Variants in CHM observed in about 807,000 individuals in gnomAD.
CHM encodes rab proteins geranylgeranyltransferase component A 1.
CHM carries 10 observed loss-of-function variants against 49.0 expected under a neutral mutation model. That is an observed-to-expected ratio of 0.20 (90% confidence interval 0.13 to 0.35). CHM has a LOEUF of 0.35. Among genes scored for constraint, CHM ranks in the 10% least tolerant of loss-of-function variants. The pLI is 1.00. For missense variants in CHM, 455 were observed against 478.4 expected, an observed-to-expected ratio of 0.95 and a Z score of 0.46; for synonymous variants, 184 against 167.5, an observed-to-expected ratio of 1.10 and a Z score of -0.76.
intron 1 of CHM, among the ~76,000 whole-genome samples, chrX:86,046,600 T>A (rs925353465): frequency 2.7e-5 from 3 of 111,030 alleles, no homozygotes; most frequent in Non-Finnish European, 5.7e-5. Flanking sequence ...CTACAAACAG[T>A]AAAAAACCCC....
At chrX:85,872,375 T>C (rs1054462916) in intron 14 of CHM, among the ~76,000 whole-genome samples, 1 of 112,017 alleles carries the variant, frequency 8.9e-6, no homozygotes, top group Admixed American at 9.5e-5. Context: ...TATATATACA[T>C]ATCAATATTC....
intron 8 of CHM, among the ~76,000 whole-genome samples, chrX:85,941,187 A>T (rs1449346204): frequency 8.9e-6 from 1 of 112,277 alleles, no homozygotes; most frequent in Non-Finnish European, 1.9e-5. Flanking sequence ...GATTTTGGTC[A>T]TTTTAACTAA....
At chrX:86,021,899 CTAAGTGAA>C (rs1933619506) in intron 2 of CHM, among the ~76,000 whole-genome samples, 1 of 111,921 alleles carries the variant, frequency 8.9e-6, no homozygotes, top group African/African-American at 3.2e-5. Context: ...GGACACTGTA[CTAAGTGAA>C]ATAAGCCAGT....
intron 8 of CHM, among the ~76,000 whole-genome samples, chrX:85,920,385 C>T (rs1927721393): frequency 9.0e-6 from 1 of 111,665 alleles, no homozygotes; most frequent in African/African-American, 3.3e-5. Context: ...CGTGAGCCAC[C>T]GTGCCCGGCC....
At chrX:86,033,968 T>A (rs931952156) in intron 1 of CHM, among the ~76,000 whole-genome samples, 8 of 111,728 alleles carry the variant, frequency 7.2e-5, no homozygotes, top group Non-Finnish European at 1.1e-4. Flanking sequence ...CTTGGAAAAT[T>A]TATTTTAATT....
Position 85,962,268 on chromosome X carries a change from T to A in CHM, c.702+1397A>T, listed in dbSNP as rs181745592. On this transcript the variant is annotated intron_variant, in intron 5 of 14. Coordinates refer to ENST00000357749, the MANE Select transcript of CHM (RefSeq NM_000390.4). ...TTAGTGAGCTAGGATTAAACTTCCA[T>A]CCACAGATGAACAGCCAAGGTAATG... Among the ~76,000 whole-genome samples the A allele has an allele frequency of 2.1e-4, 24 of 112,161 alleles. No homozygotes were observed. In the East Asian group the frequency reaches 4.5e-3, roughly 21 times the overall value.
intron 13 of CHM, among the ~76,000 whole-genome samples, chrX:85,874,263 A>C (rs1180974875): frequency 2.7e-5 from 3 of 111,433 alleles, no homozygotes; most frequent in Non-Finnish European, 5.7e-5. Flanking sequence ...GTTATAATTA[A>C]ATTTTCTGTT....
At chrX:85,959,676 A>G (rs985449224) in intron 5 of CHM, among the ~76,000 whole-genome samples, 7 of 111,889 alleles carry the variant, frequency 6.3e-5, no homozygotes, top group Non-Finnish European at 1.3e-4. Flanking sequence ...TCAACATCTC[A>G]TAAGTAATAT....
At chrX:85,943,380 T>C (rs921460206) in intron 8 of CHM, among the ~76,000 whole-genome samples, 3 of 112,375 alleles carry the variant, frequency 2.7e-5, no homozygotes, top group Non-Finnish European at 3.8e-5. Context: ...TCAGCATTAA[T>C]GCTTATCGAA....
Position 86,027,272 on chromosome X carries a change from T to A in CHM, c.116+219A>T, listed in dbSNP as rs954292794. The A allele has an allele frequency of 2.5e-5, 6 of 243,473 alleles. No individual in the cohort carries two copies. In the African/African-American group the frequency reaches 6.8e-4, roughly 28 times the overall value. The allele number at this position is 243,473 out of a possible 1,213,427, so 20.1% of individuals were successfully genotyped here. On this transcript the variant is annotated intron_variant, in intron 2 of 14. Coordinates refer to ENST00000357749, the MANE Select transcript of CHM (RefSeq NM_000390.4). ...AAATAAAATGATGCATTTGGTTTAT[T>A]CTCAAAGATCACTATTTCACAAAAT...
At chrX:85,894,511 A>AT (rs1925694229) in intron 11 of CHM, among the ~76,000 whole-genome samples, 1 of 111,649 alleles carries the variant, frequency 9.0e-6, no homozygotes, top group African/African-American at 3.3e-5. Context: ...ATATTTATTA[A>AT]ATCCTTACTT....
chrX:85,993,156 C>T (rs1416340307), intron 2 of CHM, among the ~76,000 whole-genome samples: 1 of 111,339 alleles, frequency 9.0e-6, no homozygotes, highest in East Asian at 2.8e-4. Flanking sequence ...CAGATCATGA[C>T]TCATGAGCTT....
intron 5 of CHM, among the ~76,000 whole-genome samples, chrX:85,961,440 AAAG>A (rs1432506342): frequency 1.9e-5 from 2 of 106,920 alleles, no homozygotes; most frequent in African/African-American, 6.8e-5. Context: ...AAAAAAAAAA[AAAG>A]GAGGTAGGGC....
chrX:85,939,849 C>G (rs1281951144), intron 8 of CHM, among the ~76,000 whole-genome samples: 2 of 111,938 alleles, frequency 1.8e-5, no homozygotes, highest in Non-Finnish European at 3.8e-5. Flanking sequence ...CTGTCCTGTT[C>G]CTTAAATAGA....
intron 4 of CHM, among the ~76,000 whole-genome samples, chrX:85,974,213 G>A (rs1468841885): frequency 1.8e-5 from 2 of 112,049 alleles, no homozygotes; most frequent in Non-Finnish European, 3.8e-5. Context: ...GGATCAGTAT[G>A]CTGAAAATTA....
At chrX:85,956,019 TA>T in intron 8 of CHM, 133 bp downstream of exon 8, 1 of 511,975 alleles carries the variant, frequency 2.0e-6, no homozygotes, top group Non-Finnish European at 3.2e-6. Flanking sequence ...AAATAGATTA[TA>T]AAAAATAAAT....
chrX:85,892,006 C>T (rs981648112), intron 12 of CHM, among the ~76,000 whole-genome samples: 5 of 111,699 alleles, frequency 4.5e-5, no homozygotes, highest in Non-Finnish European at 7.5e-5. Context: ...TTGACTGCCC[C>T]GCTGGAATTT....
At chrX:85,961,577 C>T (rs1018817645) in intron 5 of CHM, among the ~76,000 whole-genome samples, 1 of 108,006 alleles carries the variant, frequency 9.3e-6, no homozygotes, top group African/African-American at 3.4e-5. Context: ...GAATACATTG[C>T]TTTCCATCTA....
intron 2 of CHM, among the ~76,000 whole-genome samples, chrX:85,998,702 A>C (rs1388804157): frequency 9.0e-6 from 1 of 111,221 alleles, no homozygotes. Flanking sequence ...GCATCACAGG[A>C]GAGTATCCTA....
Sources: gnomAD v4.1 joint callset for allele counts (sites outside exome capture counted in the v4.1 genomes callset) on GRCh38, gnomAD v4.1.1 for gene constraint, MANE v1.5 for transcripts, NCBI Gene and HGNC (gene_info 2026-07-23, HGNC 2026-07-21) for gene names.